Variants in OGFOD1 observed in about 807,000 individuals in gnomAD.
OGFOD1 encodes the protein 2-oxoglutarate and iron dependent oxygenase domain containing 1.
Under a neutral mutation model 67.7 loss-of-function variants are expected in OGFOD1, and 54 were observed. The ratio of observed to expected loss-of-function variants is 0.80; its 90% CI spans 0.64 to 1.00. The LOEUF is 1.00. Ranked by LOEUF, OGFOD1 falls within the 50% of genes least tolerant of loss-of-function variation. OGFOD1 has a pLI of 0.00. For missense variants in OGFOD1, 606 were observed against 646.7 expected, an observed-to-expected ratio of 0.94 and a Z score of 0.68; for synonymous variants, 221 against 227.0, an observed-to-expected ratio of 0.97 and a Z score of 0.24.
intron 2 of OGFOD1, among the ~76,000 whole-genome samples, chr16:56,454,064 C>T (rs781290316): frequency 3.3e-5 from 5 of 152,078 alleles, no homozygotes; most frequent in African/African-American, 4.8e-5. Context: ...ATCTTGAGTT[C>T]GGGCCAGGTG....
At chr16:56,459,179 A>G (rs745430102) in intron 3 of OGFOD1, among the ~76,000 whole-genome samples, 1 of 152,108 alleles carries the variant, frequency 6.6e-6, no homozygotes, top group East Asian at 1.9e-4. Flanking sequence ...TGTCTCTACT[A>G]AAAATACAAA....
Position 56,451,663 on chromosome 16 carries a change from G to A in OGFOD1, c.51G>A (p.Lys17=). 5.6e-6 allele frequency: 9 copies of A among 1,614,064 alleles called. No individual in the cohort carries two copies. Among genetic ancestry groups the A allele is most frequent in the Non-Finnish European group, 7.6e-6 (9 of 1,179,978 alleles). The part of the protein sequence containing the change: ...AEPGPARVGK[K]GKKEVMAEFS... ...CCGGCCCAGCCCGGGTGGGAAAAAA[G>A]GGAAAGAAGGAGGTGATGGCGGAGT... Residue 17 remains lysine (K), a synonymous_variant, in exon 1 of 13, where the codon AAG becomes AAA. Transcript: ENST00000566157.
At chr16:56,451,529 T>C, upstream of OGFOD1, 3 of 1,482,916 alleles carry the variant, frequency 2.0e-6, no homozygotes, top group Non-Finnish European at 2.8e-6. Flanking sequence ...GGAAACACGA[T>C]AAAGGGGACA....
chr16:56,461,650 A>T (rs945573863), intron 3 of OGFOD1, among the ~76,000 whole-genome samples: 2 of 152,208 alleles, frequency 1.3e-5, no homozygotes, highest in African/African-American at 4.8e-5. Flanking sequence ...GGGCAGTCTC[A>T]TGGGACTAAG....
In OGFOD1 at chr16:56,475,548, A is replaced by AAAGGTG. The variant is rs1177070127; in HGVS notation, c.1454_1459dup (p.Gly485_Glu486dup). On this transcript the variant is annotated inframe_insertion, in exon 12 of 13. Coordinates refer to ENST00000566157, the MANE Select transcript of OGFOD1 (RefSeq NM_018233.4). Reference sequence around the variant, plus strand: ...TGGCGGTTTTACTTCTTACATTGCCAAAGGTGAAGATGAAGAGGTAAGTTT... The same window carrying AAAGGTG: ...TGGCGGTTTTACTTCTTACATTGCCAAAGGTGAAGGTGAAGATGAAGAGGTAAGTTT... 1 of 1,613,850 alleles carries AAAGGTG rather than the reference A, an allele frequency of 6.2e-7. No individual in the cohort carries two copies. Among genetic ancestry groups the AAAGGTG allele is most frequent in the East Asian group, 2.2e-5 (1 of 44,876 alleles).
chr16:56,474,827 G>C lies in OGFOD1; in HGVS notation c.1286-1G>C. The C allele has an allele frequency of 3.8e-6, 6 of 1,587,120 alleles. No individual in the cohort carries two copies. Among genetic ancestry groups the C allele is most frequent in the Non-Finnish European group, 5.1e-6 (6 of 1,170,344 alleles). ...TTTCTCATCTTTTTTTTTTTCCTTAGAATCAAGTGTTCCCATGTGCCAAGG... is the reference window on the plus strand; with the variant it reads ...TTTCTCATCTTTTTTTTTTTCCTTACAATCAAGTGTTCCCATGTGCCAAGG... On this transcript the variant is annotated splice_acceptor_variant, in intron 10 of 12. Coordinates refer to ENST00000566157, the MANE Select transcript of OGFOD1 (RefSeq NM_018233.4). LOFTEE classifies it high-confidence loss of function.
chr16:56,462,595 T>G lies in OGFOD1; in HGVS notation c.409T>G (p.Ser137Ala). 6.2e-7 allele frequency: 1 copy of G among 1,612,742 alleles called. No homozygotes were observed. The highest frequency in any genetic ancestry group is 1.1e-5 in the South Asian group (1 of 91,060). Reference protein sequence around the residue: ...LSDISKIDLESTIDMSCAKYE... With the variant: ...LSDISKIDLEATIDMSCAKYE... ...TGATATTTCTAAAATTGACCTGGAATCAACCATTGACATGTCCTGTGCTAA... is the reference window on the plus strand; with the variant it reads ...TGATATTTCTAAAATTGACCTGGAAGCAACCATTGACATGTCCTGTGCTAA... Residue 137 changes from serine to alanine, a missense_variant, in exon 4 of 13, where the codon TCA (serine) becomes GCA (alanine). By Grantham distance (99) the Ser-to-Ala change is moderately conservative (BLOSUM62 1). Coordinates refer to ENST00000566157, the MANE Select transcript of OGFOD1 (RefSeq NM_018233.4).
In OGFOD1 at chr16:56,451,743, G is replaced by A. The variant is rs1260840973; in HGVS notation, c.131G>A (p.Ser44Asn). The change falls in exon 1 of 13, where the codon AGC (serine) becomes AAC (asparagine). Residue 44 changes from serine to asparagine, a missense_variant. Transcript: ENST00000566157. ...TLKKQVAEAW[S>N]RRTPFSHEVI... Reference sequence around the variant, plus strand: ...AAAAAGCAGGTGGCTGAGGCCTGGAGCCGCAGGACGCCGTTCAGTCACGGT... The same window carrying A: ...AAAAAGCAGGTGGCTGAGGCCTGGAACCGCAGGACGCCGTTCAGTCACGGT... 1.9e-6 allele frequency: 3 copies of A among 1,612,870 alleles called. No individual in the cohort carries two copies. Among genetic ancestry groups the A allele is most frequent in the Non-Finnish European group, 1.7e-6 (2 of 1,179,910 alleles).
At chr16:56,456,954 G>A (rs1176082746) in intron 2 of OGFOD1, among the ~76,000 whole-genome samples, 2 of 152,176 alleles carry the variant, frequency 1.3e-5, no homozygotes, top group Non-Finnish European at 2.9e-5. Context: ...CACTGCCAAA[G>A]GCCAACACCT....
At chr16:56,458,642 G>A in intron 3 of OGFOD1, 48 bp downstream of exon 3, 1 of 1,439,886 alleles carries the variant, frequency 6.9e-7, no homozygotes, top group Non-Finnish European at 9.8e-7. Flanking sequence ...GCCAGGCAGA[G>A]TAGTAAGTGC....
intron 4 of OGFOD1, among the ~76,000 whole-genome samples, chr16:56,463,473 A>C (rs1445920225): frequency 3.8e-5 from 5 of 130,828 alleles, no homozygotes; most frequent in African/African-American, 1.5e-4. Context: ...TCCAGGCTGG[A>C]ATGCAGTGGC....
intron 3 of OGFOD1, among the ~76,000 whole-genome samples, chr16:56,459,711 A>G (rs1962647131): frequency 6.6e-6 from 1 of 152,238 alleles, no homozygotes; most frequent in Non-Finnish European, 1.5e-5. Flanking sequence ...GTCAAGAGAA[A>G]AAAATAATAC....
intron 1 of OGFOD1, 69 bp downstream of exon 1, chr16:56,451,835 T>A: frequency 6.4e-7 from 1 of 1,551,224 alleles, no homozygotes. Flanking sequence ...GCCCTGGGAC[T>A]CGCGCCCAGC....
intron 1 of OGFOD1, 80 bp downstream of exon 1, chr16:56,451,846 C>T: frequency 6.6e-7 from 1 of 1,505,756 alleles, no homozygotes; most frequent in Non-Finnish European, 8.9e-7. Context: ...CGCGCCCAGC[C>T]TTGGGCAGCG....
intron 2 of OGFOD1, among the ~76,000 whole-genome samples, chr16:56,453,878 T>C (rs1348995889): frequency 2.0e-5 from 3 of 152,214 alleles, no homozygotes; most frequent in Admixed American, 6.5e-5. Flanking sequence ...CAACGTGATC[T>C]TTCCAGTTGC....
At chr16:56,455,544 AG>A (rs1390966643) in intron 2 of OGFOD1, among the ~76,000 whole-genome samples, 2 of 152,112 alleles carry the variant, frequency 1.3e-5, no homozygotes, top group African/African-American at 2.4e-5. Context: ...ACCCTAAGAC[AG>A]TAGATGTAAA....
At chr16:56,464,674 C>T (rs1962835605) in intron 4 of OGFOD1, among the ~76,000 whole-genome samples, 1 of 152,106 alleles carries the variant, frequency 6.6e-6, no homozygotes, top group Non-Finnish European at 1.5e-5. Context: ...AAGGAGAACC[C>T]CGTCAAACTG....
intron 2 of OGFOD1, among the ~76,000 whole-genome samples, chr16:56,457,066 C>CT (rs749335527): frequency 5.3e-5 from 8 of 152,132 alleles, no homozygotes; most frequent in Non-Finnish European, 8.8e-5. Context: ...TCATTGTATT[C>CT]TTTTAAAATG....
chr16:56,467,877 C>G (rs1267844786), intron 7 of OGFOD1, 28 bp from the exon 8 acceptor site: 4 of 1,056,910 alleles, frequency 3.8e-6, no homozygotes, highest in Non-Finnish European at 6.0e-6. Context: ...TATTAACTCA[C>G]ATTTTGCATC....
Sources: gnomAD v4.1 joint callset for allele counts (sites outside exome capture counted in the v4.1 genomes callset) on GRCh38, gnomAD v4.1.1 for gene constraint, MANE v1.5 for transcripts, NCBI Gene and HGNC (gene_info 2026-07-23, HGNC 2026-07-21) for gene names.